The following MYO1E variants were observed in gnomAD, a reference collection of about 807,000 sequenced individuals.
MYO1E encodes myosin IE, also known as unconventional myosin-Ie.
Under a neutral mutation model 151.1 loss-of-function variants are expected in MYO1E, and 68 were observed. The ratio of observed to expected loss-of-function variants is 0.45; its 90% CI spans 0.37 to 0.55. The LOEUF (loss-of-function observed/expected upper bound fraction) is 0.55. Among genes scored for constraint, MYO1E ranks in the 20% least tolerant of loss-of-function variants. The probability of loss-of-function intolerance (pLI) is 0.00; values close to 1 mark genes in which losing one functional copy is unlikely to be tolerated. For missense variants in MYO1E, 1,363 were observed against 1,389.3 expected, an observed-to-expected ratio of 0.98 and a Z score of 0.30; for synonymous variants, 601 against 501.7, an observed-to-expected ratio of 1.20 and a Z score of -2.64.
chr15:59,190,584 G>A (rs2079726813), intron 17 of MYO1E, among the ~76,000 whole-genome samples: 1 of 152,238 alleles, frequency 6.6e-6, no homozygotes, highest in Admixed American at 6.5e-5. Context: ...GCCCACACAG[G>A]CAGCACAGTG....
intron 26 of MYO1E, among the ~76,000 whole-genome samples, chr15:59,144,487 G>T (rs2079429328): frequency 6.6e-6 from 1 of 151,984 alleles, no homozygotes; most frequent in Admixed American, 6.6e-5. Context: ...TAGAGATGAA[G>T]TTTTGCCATG....
intron 4 of MYO1E, among the ~76,000 whole-genome samples, chr15:59,245,782 T>C (rs2080126190): frequency 6.6e-6 from 1 of 152,212 alleles, no homozygotes; most frequent in Non-Finnish European, 1.5e-5. Context: ...GGCCCGATGA[T>C]TCTCCATGGG....
intron 1 of MYO1E, among the ~76,000 whole-genome samples, chr15:59,290,328 G>C (rs1288795992): frequency 6.6e-6 from 1 of 152,140 alleles, no homozygotes; most frequent in Non-Finnish European, 1.5e-5. Context: ...ATCCCACAGT[G>C]GTAAACTGGA....
At chr15:59,359,329 T>A (rs866748227) in intron 1 of MYO1E, among the ~76,000 whole-genome samples, 2,640 of 146,416 alleles carry the variant, frequency 0.018, 77 homozygotes, top group African/African-American at 0.059. Context: ...TATATATATT[T>A]TTTTTTTTAA....
At chr15:59,251,934 T>C (rs2140367884) in intron 4 of MYO1E, among the ~76,000 whole-genome samples, 1 of 152,370 alleles carries the variant, frequency 6.6e-6, no homozygotes, top group East Asian at 1.9e-4. Flanking sequence ...AATTTTAAAA[T>C]GAATTCAGTA....
At chr15:59,160,926 G>A in intron 24 of MYO1E, 147 bp downstream of exon 24, 1 of 1,137,914 alleles carries the variant, frequency 8.8e-7, no homozygotes, top group South Asian at 1.3e-5. Flanking sequence ...AGTTTGAAAT[G>A]TTCCATTCTG....
chr15:59,252,133 T>C (rs2140368014), intron 4 of MYO1E, among the ~76,000 whole-genome samples: 1 of 152,330 alleles, frequency 6.6e-6, no homozygotes, highest in Admixed American at 6.5e-5. Flanking sequence ...TAAAAATTAA[T>C]TGAAAACAGT....
intron 16 of MYO1E, among the ~76,000 whole-genome samples, chr15:59,198,901 A>C (rs536320694): frequency 6.6e-6 from 1 of 151,968 alleles, no homozygotes; most frequent in African/African-American, 2.4e-5. Flanking sequence ...TTCCTCTGTC[A>C]TGTCCCTTAT....
intron 1 of MYO1E, among the ~76,000 whole-genome samples, chr15:59,321,471 T>C (rs1189520375): frequency 6.6e-6 from 1 of 152,208 alleles, no homozygotes; most frequent in East Asian, 1.9e-4. Flanking sequence ...GGAAATGTGG[T>C]ACATATATAC....
intron 17 of MYO1E, among the ~76,000 whole-genome samples, chr15:59,193,779 G>A (rs1401543347): frequency 6.6e-6 from 1 of 152,204 alleles, no homozygotes; most frequent in Admixed American, 6.5e-5. Context: ...GGTCACCTTA[G>A]CAAGTATGAG....
chr15:59,224,589 T>A, intron 8 of MYO1E, 100 bp downstream of exon 8: 1 of 1,493,748 alleles, frequency 6.7e-7, no homozygotes, highest in Non-Finnish European at 9.3e-7. Flanking sequence ...GGCGGACATT[T>A]CATGCAGCTC....
chr15:59,194,448 G>A (rs1380786663), intron 17 of MYO1E, among the ~76,000 whole-genome samples: 2 of 152,212 alleles, frequency 1.3e-5, no homozygotes, highest in Non-Finnish European at 1.5e-5. Flanking sequence ...CTTACTGGCA[G>A]GAAGGAAAAT....
Position 59,357,053 on chromosome 15 carries a change from C to T in MYO1E, c.3+15445G>A, listed in dbSNP as rs532038934. Among the ~76,000 whole-genome samples, 5 of 137,622 alleles carry T rather than the reference C, an allele frequency of 3.6e-5. No homozygotes were observed. In the East Asian group the frequency reaches 8.5e-4, roughly 24 times the overall value. The allele number at this position is 137,622 out of a possible 152,430, so 90.3% of individuals were successfully genotyped here. A position where few individuals can be genotyped will look rare whatever the true frequency, so the allele number is the denominator to read the frequency against. ...CTCAAGTAGCTGGGATTACAGGCGC[C>T]CACCACCACACCCAGCTAATTCTTG... On this transcript the variant is annotated intron_variant, in intron 1 of 27. Transcript: ENST00000288235.
At chr15:59,337,283 A>G (rs1403701388) in intron 1 of MYO1E, among the ~76,000 whole-genome samples, 12 of 152,212 alleles carry the variant, frequency 7.9e-5, no homozygotes, top group African/African-American at 2.9e-4. Flanking sequence ...TAAGTTTACT[A>G]CAGGTATGAA....
At chr15:59,194,850 G>A (rs138072785) in intron 17 of MYO1E, among the ~76,000 whole-genome samples, 81 of 152,318 alleles carry the variant, frequency 5.3e-4, no homozygotes, top group African/African-American at 1.9e-3. Context: ...GCTGTGGGAG[G>A]AACAGTGATG....
At chr15:59,281,191 C>T (rs778412400) in intron 1 of MYO1E, among the ~76,000 whole-genome samples, 12 of 152,170 alleles carry the variant, frequency 7.9e-5, no homozygotes, top group Non-Finnish European at 1.6e-4. Flanking sequence ...AAAGGTGTCC[C>T]ACCCTCCATG....
At chr15:59,188,588 C>T (rs932998301) in intron 17 of MYO1E, among the ~76,000 whole-genome samples, 17 of 151,898 alleles carry the variant, frequency 1.1e-4, no homozygotes, top group Admixed American at 7.2e-4. Flanking sequence ...CCCAGCTACT[C>T]GGGAGGCTGA....
intron 26 of MYO1E, among the ~76,000 whole-genome samples, chr15:59,144,695 G>A (rs2079430364): frequency 6.6e-6 from 1 of 152,160 alleles, no homozygotes; most frequent in South Asian, 2.1e-4. Flanking sequence ...CAATCTCTAC[G>A]ATTCACCAGA....
At chr15:59,139,017 CA>C (rs2079391231) in intron 26 of MYO1E, among the ~76,000 whole-genome samples, 1 of 152,104 alleles carries the variant, frequency 6.6e-6, no homozygotes, top group African/African-American at 2.4e-5. Context: ...GAGTGTGTCA[CA>C]GTTTACTTCT....
Sources: allele counts gnomAD v4.1 joint callset (sites outside exome capture counted in the v4.1 genomes callset), GRCh38; gene constraint gnomAD v4.1.1; transcripts MANE v1.5; gene names NCBI Gene and HGNC (gene_info 2026-07-23, HGNC 2026-07-21).